GALNT10: variants seen among roughly 807,000 people sequenced by gnomAD.
GALNT10 encodes the protein GalNAc transferase 10.
Under a neutral mutation model 75.0 loss-of-function variants are expected in GALNT10, and 41 were observed. The observed-to-expected ratio is 0.55, with a 90% CI of 0.43 to 0.71. The LOEUF is 0.71. Ranked by LOEUF, GALNT10 falls within the 30% of genes least tolerant of loss-of-function variation. The probability of loss-of-function intolerance (pLI) is 0.00; values close to 1 mark genes in which losing one functional copy is unlikely to be tolerated. For missense variants in GALNT10, 727 were observed against 818.5 expected, an observed-to-expected ratio of 0.89 and a Z score of 1.36; for synonymous variants, 302 against 313.0, an observed-to-expected ratio of 0.96 and a Z score of 0.37.
At chr5:154,339,173 C>G (rs1754990186) in intron 4 of GALNT10, among the ~76,000 whole-genome samples, 1 of 152,192 alleles carries the variant, frequency 6.6e-6, no homozygotes, top group Non-Finnish European at 1.5e-5. Flanking sequence ...TCATAATCAT[C>G]TCCTCCTCAT....
chr5:154,249,549 A>G (rs560645732), intron 1 of GALNT10, among the ~76,000 whole-genome samples: 1 of 152,174 alleles, frequency 6.6e-6, no homozygotes, highest in South Asian at 2.1e-4. Context: ...AGTAAGACCA[A>G]GGCCAACTCC....
intron 2 of GALNT10, among the ~76,000 whole-genome samples, chr5:154,296,083 T>TTGTTG (rs1475180230): frequency 6.6e-6 from 1 of 151,846 alleles, no homozygotes; most frequent in Non-Finnish European, 1.5e-5. Context: ...TTTTGTTTGT[T>TTGTTG]TGTTTTGTTT....
At chr5:154,368,603 C>A (rs1247976364) in intron 4 of GALNT10, among the ~76,000 whole-genome samples, 1 of 152,186 alleles carries the variant, frequency 6.6e-6, no homozygotes, top group Non-Finnish European at 1.5e-5. Context: ...CTCTGAGCTT[C>A]CTTTCAGCTC....
At chr5:154,275,365 G>T (rs551406939) in intron 1 of GALNT10, among the ~76,000 whole-genome samples, 1 of 152,274 alleles carries the variant, frequency 6.6e-6, no homozygotes, top group Non-Finnish European at 1.5e-5. Context: ...GTTTGATATT[G>T]CCATGACAGC....
intron 1 of GALNT10, among the ~76,000 whole-genome samples, chr5:154,214,049 C>T (rs185663568): frequency 4.8e-4 from 73 of 152,292 alleles, no homozygotes; most frequent in Middle Eastern, 3.4e-3. Context: ...TAGGAGTCTT[C>T]GTTTCCTTCC....
At chr5:154,247,846 A>G (rs535108370) in intron 1 of GALNT10, among the ~76,000 whole-genome samples, 2 of 152,154 alleles carry the variant, frequency 1.3e-5, no homozygotes, top group East Asian at 3.8e-4. Context: ...TTCCAGCACT[A>G]TGTTGAATAG....
chr5:154,330,909 GT>G (rs1754851430), intron 4 of GALNT10, among the ~76,000 whole-genome samples: 2 of 1,942 alleles, frequency 1.0e-3, no homozygotes, highest in African/African-American at 1.6e-3. Flanking sequence ...GACAGAGAGG[GT>G]GTGTGTGTGT....
chr5:154,287,971 AGAGAG>A (rs1049030828), intron 1 of GALNT10, among the ~76,000 whole-genome samples: 1 of 151,298 alleles, frequency 6.6e-6, no homozygotes, highest in Non-Finnish European at 1.5e-5. Flanking sequence ...AGAGAGAGAG[AGAGAG>A]AAGTTTATTA....
At chr5:154,398,333 T>C (rs1756089089) in intron 7 of GALNT10, among the ~76,000 whole-genome samples, 1 of 152,232 alleles carries the variant, frequency 6.6e-6, no homozygotes, top group Admixed American at 6.5e-5. Flanking sequence ...GTCATCTCAG[T>C]GGCCTGTATT....
At chr5:154,306,313 G>A (rs1754432039) in intron 3 of GALNT10, among the ~76,000 whole-genome samples, 1 of 152,082 alleles carries the variant, frequency 6.6e-6, no homozygotes, top group Non-Finnish European at 1.5e-5. Flanking sequence ...AAGGATTCAA[G>A]TGATACAAAG....
At chr5:154,236,119 G>A (rs1753242133) in intron 1 of GALNT10, among the ~76,000 whole-genome samples, 1 of 152,168 alleles carries the variant, frequency 6.6e-6, no homozygotes, top group Non-Finnish European at 1.5e-5. Flanking sequence ...AGCAGAGGGA[G>A]TCAAAACCTG....
intron 1 of GALNT10, 77 bp downstream of exon 1, chr5:154,191,102 C>A: frequency 1.0e-6 from 1 of 989,194 alleles, no homozygotes; most frequent in Non-Finnish European, 1.4e-6. Context: ...CTTCCTCCAC[C>A]TTCTGCTGTC....
chr5:154,221,377 G>A (rs1255785674), intron 1 of GALNT10, among the ~76,000 whole-genome samples: 1 of 152,190 alleles, frequency 6.6e-6, no homozygotes, highest in Non-Finnish European at 1.5e-5. Context: ...CAGGGGCTCT[G>A]GGGTGAGGGG....
chr5:154,371,414 T>C (rs945468876), intron 4 of GALNT10, among the ~76,000 whole-genome samples: 3 of 152,124 alleles, frequency 2.0e-5, no homozygotes, highest in African/African-American at 7.2e-5. Context: ...CAACTCCTCC[T>C]TATGCCACAG....
chr5:154,404,265 C>A, intron 8 of GALNT10, 54 bp downstream of exon 8: 1 of 1,085,430 alleles, frequency 9.2e-7, no homozygotes, highest in Non-Finnish European at 1.3e-6. Context: ...GGACCATCAG[C>A]TGCACTGAGG....
chr5:154,354,771 C>T (rs1046734020), intron 4 of GALNT10, among the ~76,000 whole-genome samples: 1 of 152,172 alleles, frequency 6.6e-6, no homozygotes, highest in Non-Finnish European at 1.5e-5. Context: ...GACACTCACA[C>T]ATCTGCTGTA....
chr5:154,219,963 G>A (rs193041821), intron 1 of GALNT10: 3 of 152,098 alleles, frequency 2.0e-5, no homozygotes, highest in Admixed American at 6.5e-5. Flanking sequence ...GAAAACCATG[G>A]TAGGCATAGG....
chr5:154,410,130 A>C (rs1357863533), intron 9 of GALNT10, among the ~76,000 whole-genome samples: 1 of 152,222 alleles, frequency 6.6e-6, no homozygotes, highest in Non-Finnish European at 1.5e-5. Flanking sequence ...AGAACAATCT[A>C]AACATGGCAC....
At chr5:154,338,412 C>T in intron 4 of GALNT10, 4 of 396,134 alleles carry the variant, frequency 1.0e-5, no homozygotes, top group Non-Finnish European at 1.9e-5. Context: ...GAAAAGTGTC[C>T]TCAGCTGCTC....
Sources: allele counts gnomAD v4.1 joint callset (sites outside exome capture counted in the v4.1 genomes callset), GRCh38; gene constraint gnomAD v4.1.1; transcripts MANE v1.5; gene names NCBI Gene and HGNC (gene_info 2026-07-23, HGNC 2026-07-21).